The following GPR78 variants were observed in gnomAD, a reference collection of about 807,000 sequenced individuals.
GPR78 encodes the protein G protein-coupled receptor 78.
Under a neutral mutation model 17.9 loss-of-function variants are expected in GPR78, and 29 were observed. The observed-to-expected ratio is 1.62, with a 90% CI of 1.20 to 2.21. The LOEUF (loss-of-function observed/expected upper bound fraction) is 2.21, where lower values mean the gene tolerates loss of function less well. Among genes scored for constraint, GPR78 ranks in the 30% most tolerant of loss-of-function variants. GPR78 has a pLI of 0.00. For synonymous variants in GPR78, 349 were observed against 256.9 expected, an observed-to-expected ratio of 1.36 and a Z score of -3.43; for missense variants, 649 against 530.5, an observed-to-expected ratio of 1.22 and a Z score of -2.19.
Position 8,587,267 on chromosome 4 carries a change from G to T in GPR78, c.996G>T (p.Met332Ile). The change falls in exon 3 of 3, where the codon ATG becomes ATT. Residue 332 changes from methionine (M) to isoleucine (I), a missense_variant. Transcript: ENST00000382487. The part of the protein sequence containing the change: ...THDSSLDVAG[M>I]VHQLLKRTPR... Reference sequence around the variant, plus strand: ...ACAGCTCTCTGGATGTGGCCGGCATGGTGCACCAGCTGCTGAAGAGAACCC... The same window carrying T: ...ACAGCTCTCTGGATGTGGCCGGCATTGTGCACCAGCTGCTGAAGAGAACCC... 1 of 1,597,920 alleles carries T rather than the reference G, an allele frequency of 6.3e-7. No homozygotes were observed. The highest frequency in any genetic ancestry group is 8.6e-7 in the Non-Finnish European group (1 of 1,169,204).
At chr4:8,581,790 T>C in intron 1 of GPR78, 140 bp downstream of exon 1, 1 of 624,732 alleles carries the variant, frequency 1.6e-6, no homozygotes, top group South Asian at 2.5e-5. Context: ...TGCACGCTGC[T>C]CACAGGGGTT....
chr4:8,581,149 C>A lies in GPR78; in HGVS notation c.167C>A (p.Ala56Glu). 2 of 1,604,354 alleles carry A rather than the reference C, an allele frequency of 1.2e-6. No individual in the cohort carries two copies. Among genetic ancestry groups the A allele is most frequent in the Non-Finnish European group, 1.7e-6 (2 of 1,179,726 alleles). ...VNLSLGHLLLAALDMPFTLLG... is the reference protein window; with the variant it reads ...VNLSLGHLLLEALDMPFTLLG... The stretch of plus-strand genomic sequence containing the variant: ...CTGTCTCTGGGCCACCTGCTGCTGG[C>A]GGCGCTGGACATGCCCTTCACGCTG... Residue 56 changes from alanine to glutamate, a missense_variant, in exon 1 of 3, where the codon GCG becomes GAG. Coordinates refer to ENST00000382487, the MANE Select transcript of GPR78 (RefSeq NM_080819.5).
chr4:8,585,807 C>T (rs576521058), intron 2 of GPR78, among the ~76,000 whole-genome samples: 29 of 152,302 alleles, frequency 1.9e-4, no homozygotes, highest in Admixed American at 1.2e-3. Context: ...CTCCTCATCC[C>T]CATCCCGCCG....
chr4:8,584,169 G>A (rs1332568238), intron 2 of GPR78, among the ~76,000 whole-genome samples: 1 of 152,190 alleles, frequency 6.6e-6, no homozygotes, highest in Non-Finnish European at 1.5e-5. Flanking sequence ...AAGAGCTCCA[G>A]CATTTAGTTT....
In GPR78 at chr4:8,589,166, C is replaced by G. The variant is rs2109303560; in HGVS notation, c.*1803C>G. ...GATTACAGGTGTGAGCCACCACACC[C>G]AGCCAAAACCAGGTGTTATTTGCTG... is the stretch of plus-strand genomic sequence containing the variant. On this transcript the variant is annotated 3_prime_UTR_variant, in exon 3 of 3. Coordinates refer to ENST00000382487, the MANE Select transcript of GPR78 (RefSeq NM_080819.5). Among the ~76,000 whole-genome samples the G allele has an allele frequency of 6.6e-6, 1 of 152,028 alleles. No homozygotes were observed.
At chr4:8,586,009 G>A (rs1288605996) in intron 2 of GPR78, among the ~76,000 whole-genome samples, 1 of 152,216 alleles carries the variant, frequency 6.6e-6, no homozygotes, top group East Asian at 1.9e-4. Context: ...AGGCTGTGGG[G>A]GAAAGCCCTG....
Position 8,581,131 on chromosome 4 carries a change from T to C in GPR78, c.149T>C (p.Leu50Pro). 1 of 1,605,296 alleles carries C rather than the reference T, an allele frequency of 6.2e-7. No homozygotes were observed. The change falls in exon 1 of 3, where the codon CTG becomes CCG. Residue 50 changes from leucine to proline, a missense_variant. Leu to Pro is a moderately conservative substitution (Grantham distance 98). Coordinates refer to ENST00000382487, the MANE Select transcript of GPR78 (RefSeq NM_080819.5). ...GGCGTCCTCCTGGTGAATCTGTCTC[T>C]GGGCCACCTGCTGCTGGCGGCGCTG... ...ASGVLLVNLS[L>P]GHLLLAALDM...
chr4:8,585,409 G>A (rs1379901793), intron 2 of GPR78, among the ~76,000 whole-genome samples: 1 of 152,200 alleles, frequency 6.6e-6, no homozygotes, highest in East Asian at 1.9e-4. Flanking sequence ...CTCACCTGCA[G>A]CCCAGTCCCC....
At position 8,582,003 on chromosome 4, in the gene GPR78, C is replaced by G. The variant is rs530340303; in HGVS notation, c.668+353C>G. ...CTGCTTGTTTCTGCCCACTGCTGACCCAGTGCCCTTGCATGGACTTGGGCT... is the reference window on the plus strand; with the variant it reads ...CTGCTTGTTTCTGCCCACTGCTGACGCAGTGCCCTTGCATGGACTTGGGCT... On this transcript the variant is annotated intron_variant, in intron 1 of 2. Coordinates refer to ENST00000382487, the MANE Select transcript of GPR78 (RefSeq NM_080819.5). Among the ~76,000 whole-genome samples the G allele has an allele frequency of 4.6e-5, 7 of 152,256 alleles. No individual in the cohort carries two copies. In the East Asian group the frequency reaches 9.7e-4, roughly 21 times the overall value.
chr4:8,587,304 T>G lies in GPR78; in HGVS notation c.1033T>G (p.Ser345Ala). Residue 345 changes from serine (S) to alanine (A), a missense_variant, in exon 3 of 3, where the codon TCC (serine) becomes GCC (alanine). Coordinates refer to ENST00000382487, the MANE Select transcript of GPR78 (RefSeq NM_080819.5). ...GCTGAAGAGAACCCCGCGCCCAGCGTCCACCCACAACGGCTCTGTGGACAC... is the reference window on the plus strand; with the variant it reads ...GCTGAAGAGAACCCCGCGCCCAGCGGCCACCCACAACGGCTCTGTGGACAC... ...QLLKRTPRPA[S>A]THNGSVDTEN... 1 of 1,612,942 alleles carries G rather than the reference T, an allele frequency of 6.2e-7. No homozygotes were observed. Among genetic ancestry groups the G allele is most frequent in the Non-Finnish European group, 8.5e-7 (1 of 1,179,918 alleles).
chr4:8,585,258 G>A (rs1267602828), intron 2 of GPR78, among the ~76,000 whole-genome samples: 1 of 152,158 alleles, frequency 6.6e-6, no homozygotes, highest in East Asian at 1.9e-4. Flanking sequence ...TTCTCTGCAG[G>A]GTCATGGCTG....
rs570019246 is a variant in GPR78 at position 8,581,214 on chromosome 4, G to T, written c.232G>T (p.Ala78Ser). The T allele has an allele frequency of 2.5e-6, 4 of 1,598,562 alleles. No homozygotes were observed. In the African/African-American group the frequency reaches 5.3e-5, roughly 21 times the overall value. The stretch of plus-strand genomic sequence containing the variant: ...CGGGCGGACACCGTCGGCGCCCGGC[G>T]CATGCCAAGTCATTGGCTTCCTGGA... ...MRGRTPSAPG[A>S]CQVIGFLDTF... Residue 78 changes from alanine (A) to serine (S), a missense_variant, in exon 1 of 3, where the codon GCA (alanine) becomes TCA (serine). Ala to Ser is a moderately conservative substitution (Grantham distance 99). Coordinates refer to ENST00000382487, the MANE Select transcript of GPR78 (RefSeq NM_080819.5).
At position 8,581,590 on chromosome 4, in the gene GPR78, G is replaced by T. The variant is rs777324813; in HGVS notation, c.608G>T (p.Cys203Phe). The T allele has an allele frequency of 6.4e-7, 1 of 1,557,310 alleles. No individual in the cohort carries two copies. ...LQVHRVARRH[C>F]QRMDTVTMKA... ...GTGCACCGGGTGGCACGCAGACACTGCCAGCGCATGGACACCGTCACCATG... is the reference window on the plus strand; with the variant it reads ...GTGCACCGGGTGGCACGCAGACACTTCCAGCGCATGGACACCGTCACCATG... Residue 203 changes from cysteine (C) to phenylalanine (F), a missense_variant, in exon 1 of 3, where the codon TGC becomes TTC. By Grantham distance (205) the Cys-to-Phe change is radical. Transcript: ENST00000382487.
Position 8,587,393 on chromosome 4 carries a change from TC to T in GPR78, c.*31del. 2 of 1,596,582 alleles carry T rather than the reference TC, an allele frequency of 1.3e-6. No individual in the cohort carries two copies. Among genetic ancestry groups the T allele is most frequent in the Non-Finnish European group, 1.7e-6 (2 of 1,169,422 alleles). ...CTGGCAGGGCTCATCGCCCCCACCT[TC>T]TAAGAAGCCCTGTGGAAAGGGCACT... On this transcript the variant is annotated 3_prime_UTR_variant, in exon 3 of 3. Transcript: ENST00000382487.
At position 8,587,429 on chromosome 4, in the gene GPR78, A is replaced by G. The variant is rs1442095537; in HGVS notation, c.*66A>G. Reference sequence around the variant, plus strand: ...CTGTGGAAAGGGCACTGGCCCTGCCACAGAGATGCCACTGGGGACCCCCAG... The same window carrying G: ...CTGTGGAAAGGGCACTGGCCCTGCCGCAGAGATGCCACTGGGGACCCCCAG... On this transcript the variant is annotated 3_prime_UTR_variant, in exon 3 of 3. Transcript: ENST00000382487. 3 of 1,495,300 alleles carry G rather than the reference A, an allele frequency of 2.0e-6. No individual in the cohort carries two copies. The highest frequency in any genetic ancestry group is 1.9e-5 in the Admixed American group (1 of 53,392). The allele number at this position is 1,495,300 out of a possible 1,614,324, so 92.6% of individuals were successfully genotyped here. A position where few individuals can be genotyped will look rare whatever the true frequency, so the allele number is the denominator to read the frequency against.
At position 8,588,151 on chromosome 4, in the gene GPR78, C is replaced by G. The variant is rs1299435381; in HGVS notation, c.*788C>G. 3.9e-5 allele frequency among the ~76,000 whole-genome samples: 6 copies of G among 152,174 alleles called. No individual in the cohort carries two copies. The highest frequency in any genetic ancestry group is 8.8e-5 in the Non-Finnish European group (6 of 68,024). ...GAGCATGTGACCTCTGTTTCCTCCC[C>G]CTGAAGGCCACCGCTGGGCCTCTGG... On this transcript the variant is annotated 3_prime_UTR_variant, in exon 3 of 3. Transcript: ENST00000382487.
At chr4:8,585,998 C>T (rs1238169590) in intron 2 of GPR78, among the ~76,000 whole-genome samples, 1 of 152,192 alleles carries the variant, frequency 6.6e-6, no homozygotes, top group African/African-American at 2.4e-5. Context: ...GGGAGATCAT[C>T]AGGCTGTGGG....
chr4:8,582,158 G>A (rs967073122), intron 1 of GPR78, among the ~76,000 whole-genome samples: 3 of 151,876 alleles, frequency 2.0e-5, no homozygotes, highest in Non-Finnish European at 2.9e-5. Context: ...TTCCCCCTTG[G>A]CCCCCCACAG....
Position 8,581,259 on chromosome 4 carries a change from G to C in GPR78, c.277G>C (p.Ala93Pro), listed in dbSNP as rs201546209. The C allele has an allele frequency of 6.3e-7, 1 of 1,591,150 alleles. No homozygotes were observed. The highest frequency in any genetic ancestry group is 1.7e-5 in the Admixed American group (1 of 58,266). The stretch of plus-strand genomic sequence containing the variant: ...CCTGGACACCTTCCTGGCGTCCAAC[G>C]CGGCGCTGAGCGTGGCGGCGCTGAG... ...GFLDTFLASNAALSVAALSAD... is the reference protein window; with the variant it reads ...GFLDTFLASNPALSVAALSAD... The change falls in exon 1 of 3, where the codon GCG (alanine) becomes CCG (proline). Residue 93 changes from alanine to proline, a missense_variant. Coordinates refer to ENST00000382487, the MANE Select transcript of GPR78 (RefSeq NM_080819.5).
Sources: allele counts gnomAD v4.1 joint callset (sites outside exome capture counted in the v4.1 genomes callset), GRCh38; gene constraint gnomAD v4.1.1; transcripts MANE v1.5; gene names NCBI Gene and HGNC (gene_info 2026-07-23, HGNC 2026-07-21).